ZNF534: variants seen among roughly 807,000 people sequenced by gnomAD.
ZNF534 encodes KRAB domain only 3.
In ZNF534, 19 loss-of-function variants were observed where a neutral mutation model predicts 13.6. That is an observed-to-expected ratio of 1.40 (90% CI 0.97 to 2.05). The LOEUF (loss-of-function observed/expected upper bound fraction) is 2.05. Among genes scored for constraint, ZNF534 ranks in the 30% most tolerant of loss-of-function variants. The probability of loss-of-function intolerance (pLI) is 0.00; values close to 1 mark genes in which losing one functional copy is unlikely to be tolerated. For synonymous variants in ZNF534, 244 were observed against 273.8 expected, an observed-to-expected ratio of 0.89 and a Z score of 1.07; for missense variants, 782 against 796.3, an observed-to-expected ratio of 0.98 and a Z score of 0.22.
rs2059077238 is a variant in ZNF534, at chr19:52,430,061, G to A, written c.-68+817G>A. Among the ~76,000 whole-genome samples, 3 of 151,798 alleles carry A rather than the reference G, an allele frequency of 2.0e-5. No individual in the cohort carries two copies. The South Asian group carries it at 6.2e-4, about 31-fold the overall frequency. ...GACAGAGTCTCACTCTGACGCCAAGGCTGGAGTGCAGTGGCACTGTGTTGG... is the reference window on the plus strand; with the variant it reads ...GACAGAGTCTCACTCTGACGCCAAGACTGGAGTGCAGTGGCACTGTGTTGG... On this transcript the variant is annotated intron_variant, in intron 1 of 4. Coordinates refer to ENST00000433050, the MANE Select transcript of ZNF534 (RefSeq NM_001143938.3).
downstream of ZNF534, among the ~76,000 whole-genome samples, chr19:52,446,150 G>C (rs886921376): frequency 1.3e-5 from 2 of 152,158 alleles, no homozygotes; most frequent in African/African-American, 4.8e-5. Context: ...GAAATCAAGT[G>C]TGTCTCCAGC....
At chr19:52,448,012 C>G (rs1204855930) in intron 4 of ZNF534, among the ~76,000 whole-genome samples, 1 of 151,900 alleles carries the variant, frequency 6.6e-6, no homozygotes, top group African/African-American at 2.4e-5. Flanking sequence ...GTTAATACTT[C>G]TTTACAGGTT....
In ZNF534 at chr19:52,430,555, T is replaced by G. The variant is rs2059080282; in HGVS notation, c.-67-853T>G. On this transcript the variant is annotated intron_variant, in intron 1 of 4. Coordinates refer to ENST00000433050, the MANE Select transcript of ZNF534 (RefSeq NM_001143938.3). Reference sequence around the variant, plus strand: ...GGTCAGGGTGAGGTCTGTGCTTTTTTTTTGTTTTTTTTTGAGATAGAGTCG... The same window carrying G: ...GGTCAGGGTGAGGTCTGTGCTTTTTGTTTGTTTTTTTTTGAGATAGAGTCG... Among the ~76,000 whole-genome samples, 4 of 145,808 alleles carry G rather than the reference T, an allele frequency of 2.7e-5. No individual in the cohort carries two copies. The South Asian group carries it at 8.6e-4, about 31-fold the overall frequency.
At chr19:52,434,874 A>G (rs765224871) in intron 3 of ZNF534, among the ~76,000 whole-genome samples, 1 of 152,094 alleles carries the variant, frequency 6.6e-6, no homozygotes, top group East Asian at 1.9e-4. Flanking sequence ...TTTTCTACCC[A>G]TGTGCTTTTG....
At chr19:52,429,592 C>CTTTTTTT (rs112310318) in intron 1 of ZNF534, among the ~76,000 whole-genome samples, 1 of 137,990 alleles carries the variant, frequency 7.2e-6, no homozygotes. Context: ...ACTTAATAGT[C>CTTTTTTT]TTTTTTTTTT....
chr19:52,440,941 G>A lies in ZNF534; in HGVS notation c.*1495G>A, dbSNP rs370853158. 6.7e-6 allele frequency among the ~76,000 whole-genome samples: 1 copy of A among 149,626 alleles called. No individual in the cohort carries two copies. Among genetic ancestry groups the A allele is most frequent in the East Asian group, 2.0e-4 (1 of 5,080 alleles). On this transcript the variant is annotated 3_prime_UTR_variant, in exon 5 of 5. Transcript: ENST00000433050. ...CCCGAAACAAGAGTCTCGCTCTGAT[G>A]CCCAGGCTGGAGTGCAGTGGTGTAA...
chr19:52,449,936 C>T (rs1000501818), intron 4 of ZNF534, among the ~76,000 whole-genome samples: 5 of 152,038 alleles, frequency 3.3e-5, no homozygotes, highest in Non-Finnish European at 7.4e-5. Context: ...ATGAGAATTG[C>T]TTGAACCCGG....
chr19:52,445,543 C>G (rs575859048), downstream of ZNF534, among the ~76,000 whole-genome samples: 2 of 152,234 alleles, frequency 1.3e-5, no homozygotes, highest in African/African-American at 4.8e-5. Flanking sequence ...AGAATCTTCT[C>G]CCATGATCTA....
chr19:52,433,420 G>A (rs1487436507), intron 2 of ZNF534, among the ~76,000 whole-genome samples: 2 of 151,930 alleles, frequency 1.3e-5, no homozygotes, highest in African/African-American at 4.8e-5. Context: ...AGGCTGGAGT[G>A]CAGTGGCGCA....
At chr19:52,433,236 CAAAAAAAAAA>C (rs1171627054) in intron 2 of ZNF534, among the ~76,000 whole-genome samples, 2 of 64,618 alleles carry the variant, frequency 3.1e-5, no homozygotes, top group East Asian at 5.2e-4. Context: ...GATCCTATCT[CAAAAAAAAAA>C]AAAAAAAAAA....
intron 4 of ZNF534, chr19:52,451,184 T>C (rs1269434135): frequency 8.8e-6 from 6 of 680,730 alleles, no homozygotes; most frequent in East Asian, 8.2e-5. Context: ...TTTCTACCCA[T>C]AGATTTTTCA....
chr19:52,443,759 CA>C (rs1018182017), downstream of ZNF534, among the ~76,000 whole-genome samples: 5 of 151,308 alleles, frequency 3.3e-5, no homozygotes, highest in East Asian at 5.9e-4. Flanking sequence ...CAAAAACAAA[CA>C]AAAAAAATCA....
In ZNF534 at chr19:52,438,261, G is replaced by A; in HGVS notation, c.801G>A (p.Gln267=). ...AACATCAGAAAATTCATACTGGACAGAAACCTTACAATAACAAAGAATGTG... is the reference window on the plus strand; with the variant it reads ...AACATCAGAAAATTCATACTGGACAAAAACCTTACAATAACAAAGAATGTG... ...LAQHQKIHTG[Q]KPYNNKECGK... is the part of the protein sequence containing the mutation. Residue 267 remains glutamine, a synonymous_variant, in exon 5 of 5, where the codon CAG becomes CAA. Transcript: ENST00000433050. The A allele has an allele frequency of 6.2e-7, 1 of 1,605,726 alleles. No individual in the cohort carries two copies. Among genetic ancestry groups the A allele is most frequent in the Non-Finnish European group, 8.5e-7 (1 of 1,173,590 alleles).
intron 3 of ZNF534, 83 bp downstream of exon 3, chr19:52,434,164 C>G: frequency 6.5e-7 from 1 of 1,547,410 alleles, no homozygotes. Context: ...TCGGGAGCCC[C>G]TGCATTGCTT....
chr19:52,445,299 C>T (rs1376299398), downstream of ZNF534, among the ~76,000 whole-genome samples: 1 of 151,926 alleles, frequency 6.6e-6, no homozygotes, highest in Non-Finnish European at 1.5e-5. Context: ...AGTGCTCAAG[C>T]GATTCTCCTG....
In ZNF534 at chr19:52,434,096, C is replaced by T. The variant is rs1295608418; in HGVS notation, c.142+15C>T. 8.1e-6 allele frequency: 13 copies of T among 1,609,648 alleles called. No homozygotes were observed. Among genetic ancestry groups the T allele is most frequent in the South Asian group, 1.1e-5 (1 of 90,458 alleles). ...GGTCTCCCTAGGTGAGGATAATGTC[C>T]GTCCAGAAGCCTGCATCTGCTCTGG... On this transcript the variant is annotated intron_variant, in intron 3 of 4. Coordinates refer to ENST00000433050, the MANE Select transcript of ZNF534 (RefSeq NM_001143938.3).
At chr19:52,445,615 C>T (rs2059191779), downstream of ZNF534, among the ~76,000 whole-genome samples, 1 of 152,188 alleles carries the variant, frequency 6.6e-6, no homozygotes, top group Non-Finnish European at 1.5e-5. Flanking sequence ...TTCCCACTTA[C>T]ACAGTTTGGG....
At chr19:52,447,043 A>T (rs570325738), downstream of ZNF534, among the ~76,000 whole-genome samples, 1 of 152,174 alleles carries the variant, frequency 6.6e-6, no homozygotes, top group Non-Finnish European at 1.5e-5. Flanking sequence ...TCAGTTGCAG[A>T]TCATCTTATA....
intron 4 of ZNF534, among the ~76,000 whole-genome samples, chr19:52,448,208 G>A (rs1180105254): frequency 6.6e-6 from 1 of 151,970 alleles, no homozygotes; most frequent in Non-Finnish European, 1.5e-5. Context: ...TTGAGGTCAG[G>A]ATTTGAAACC....
Sources: allele counts gnomAD v4.1 joint callset (sites outside exome capture counted in the v4.1 genomes callset), GRCh38; gene constraint gnomAD v4.1.1; transcripts MANE v1.5; gene names NCBI Gene and HGNC (gene_info 2026-07-23, HGNC 2026-07-21).